NBAS: variants seen among roughly 807,000 people sequenced by gnomAD.
NBAS encodes NAG/BC035112 fusion.
A neutral mutation model predicts 302.5 loss-of-function variants in NBAS; 219 were observed. The observed-to-expected ratio is 0.72, with a 90% CI of 0.65 to 0.81. The LOEUF is 0.81. Ranked by LOEUF, NBAS falls within the 30% of genes least tolerant of loss-of-function variation. The pLI, the probability that NBAS is intolerant of heterozygous loss-of-function variation, is 0.00. For missense variants in NBAS, 2,932 were observed against 2,841.6 expected, an observed-to-expected ratio of 1.03 and a Z score of -0.72; for synonymous variants, 1,118 against 1,021.6, an observed-to-expected ratio of 1.09 and a Z score of -1.80.
At chr2:14,813,176 G>A in the NBAS span, among the ~76,000 whole-genome samples, 1 of 152,112 alleles carries the variant, frequency 6.6e-6, no homozygotes, top group Non-Finnish European at 1.5e-5. Context: ...GACTAATACA[G>A]AAAATTGCTA....
In NBAS at chr2:15,308,339, G is replaced by A. The variant is rs1163588492; in HGVS notation, c.4674C>T (p.Asn1558=). The A allele has an allele frequency of 1.9e-6, 3 of 1,613,960 alleles. No individual in the cohort carries two copies. The highest frequency in any genetic ancestry group is 3.3e-5 in the Admixed American group (2 of 59,998). The change falls in exon 40 of 52, where the codon AAC becomes AAT. Residue 1558 remains asparagine, a synonymous_variant. Transcript: ENST00000281513. Reference sequence around the variant, plus strand: ...AGGGGGACTGCTTTTCAAAGCACCGGTTAGCATCTAACACCTAGGAGGGAA... The same window carrying A: ...AGGGGGACTGCTTTTCAAAGCACCGATTAGCATCTAACACCTAGGAGGGAA... ...LLALPQVLDA[N]RCFEKQSPSA...
the NBAS span, among the ~76,000 whole-genome samples, chr2:15,020,947 C>A: frequency 6.6e-6 from 1 of 152,128 alleles, no homozygotes; most frequent in Non-Finnish European, 1.5e-5. Context: ...AAAAAGCTGA[C>A]CTGGCCAGGC....
At chr2:14,887,111 A>G in the NBAS span, among the ~76,000 whole-genome samples, 1 of 152,130 alleles carries the variant, frequency 6.6e-6, no homozygotes, top group Non-Finnish European at 1.5e-5. Context: ...GCTTTTTTAA[A>G]CGATAGAGGT....
chr2:15,186,864 A>G lies in NBAS; in HGVS notation c.6589T>C (p.Trp2197Arg), dbSNP rs1219648144. 6.2e-6 allele frequency: 10 copies of G among 1,613,814 alleles called. No individual in the cohort carries two copies. The highest frequency in any genetic ancestry group is 1.6e-4 in the Middle Eastern group (1 of 6,084). Residue 2197 changes from tryptophan (W) to arginine (R), a missense_variant, in exon 50 of 52, where the codon TGG (tryptophan) becomes CGG (arginine). Trp to Arg is a moderately radical substitution (Grantham distance 101, BLOSUM62 -3). Coordinates refer to ENST00000281513, the MANE Select transcript of NBAS (RefSeq NM_015909.4). ...AGCATCACTGTAGCTAGTCTCACCCATGGATTATTGGTTATGCTGGTGTTT... is the reference window on the plus strand; with the variant it reads ...AGCATCACTGTAGCTAGTCTCACCCGTGGATTATTGGTTATGCTGGTGTTT... ...KSEYVITNNP[W>R]VRLATVMLTR...
chr2:15,367,566 G>T (rs1010579733), intron 31 of NBAS, among the ~76,000 whole-genome samples: 2 of 152,302 alleles, frequency 1.3e-5, no homozygotes, highest in Non-Finnish European at 1.5e-5. Flanking sequence ...GTGCAGAAAG[G>T]TTAAATACTT....
chr2:15,350,403 C>A (rs1262421161), intron 35 of NBAS, among the ~76,000 whole-genome samples: 6 of 152,144 alleles, frequency 3.9e-5, no homozygotes, highest in African/African-American at 1.2e-4. Context: ...TCATGAAAAA[C>A]CAATCTATAT....
chr2:14,861,812 A>C, the NBAS span, among the ~76,000 whole-genome samples: 2 of 152,240 alleles, frequency 1.3e-5, no homozygotes, highest in African/African-American at 2.4e-5. Context: ...AGAAGGTGAA[A>C]TAGGGTTGTC....
Position 15,356,100 on chromosome 2 carries a change from A to G in NBAS, c.3931+203T>C, listed in dbSNP as rs562429611. ...TAGAAAGCAACCAAAATCTCAAATA[A>G]AATTTAATGTCTGAATCTGTTAAAA... On this transcript the variant is annotated intron_variant, in intron 33 of 51. Coordinates refer to ENST00000281513, the MANE Select transcript of NBAS (RefSeq NM_015909.4). 8.5e-5 allele frequency among the ~76,000 whole-genome samples: 13 copies of G among 152,352 alleles called. No homozygotes were observed. The South Asian group carries it at 2.7e-3, about 32-fold the overall frequency.
chr2:15,478,370 A>G, intron 12 of NBAS, 81 bp from the exon 13 acceptor site: 1 of 990,832 alleles, frequency 1.0e-6, no homozygotes, highest in Admixed American at 1.8e-5. Context: ...GGACTTTTTC[A>G]AATAAAGAGA....
chr2:15,529,179 A>C (rs1256527396), intron 9 of NBAS, among the ~76,000 whole-genome samples: 1 of 152,086 alleles, frequency 6.6e-6, no homozygotes, highest in African/African-American at 2.4e-5. Flanking sequence ...GTGCTGAGGA[A>C]GTGAGGTATT....
the NBAS span, among the ~76,000 whole-genome samples, chr2:15,084,472 A>G: frequency 0.062 from 9,423 of 152,288 alleles, 981 homozygotes; most frequent in African/African-American, 0.22. Flanking sequence ...TTATTCCCAG[A>G]AAAATCAGTG....
chr2:15,452,656 A>C (rs1378758430), intron 21 of NBAS, among the ~76,000 whole-genome samples: 1 of 152,148 alleles, frequency 6.6e-6, no homozygotes, highest in African/African-American at 2.4e-5. Context: ...CTGAGTCAAC[A>C]AGATATAAAG....
chr2:15,508,542 A>G (rs1661979677), intron 10 of NBAS, among the ~76,000 whole-genome samples: 1 of 152,226 alleles, frequency 6.6e-6, no homozygotes, highest in Admixed American at 6.5e-5. Context: ...CAAATTTCAC[A>G]GCTACAGAAA....
At chr2:15,132,813 A>T in the NBAS span, among the ~76,000 whole-genome samples, 6 of 151,952 alleles carry the variant, frequency 3.9e-5, no homozygotes, top group African/African-American at 7.2e-5. Flanking sequence ...TCTTTTTGAT[A>T]ATTTTTTTTT....
the NBAS span, among the ~76,000 whole-genome samples, chr2:15,045,591 C>T: frequency 5.7e-4 from 86 of 152,206 alleles, no homozygotes; most frequent in African/African-American, 1.9e-3. Context: ...ATATACATCA[C>T]ATTTTTTAAT....
At chr2:15,539,497 T>A in intron 6 of NBAS, 141 bp from the exon 7 acceptor site, 2 of 1,036,832 alleles carry the variant, frequency 1.9e-6, no homozygotes. Flanking sequence ...CTTCCCTCAA[T>A]AAAAAAGAGC....
chr2:14,781,842 A>C, the NBAS span, among the ~76,000 whole-genome samples: 8 of 152,274 alleles, frequency 5.3e-5, no homozygotes, highest in Admixed American at 2.0e-4. Flanking sequence ...ACTGATAGTA[A>C]CTGAAAGCTT....
chr2:15,518,512 A>T (rs1470746486), intron 9 of NBAS, among the ~76,000 whole-genome samples: 8 of 152,198 alleles, frequency 5.3e-5, no homozygotes, highest in Admixed American at 5.2e-4. Context: ...TTTTCAAATT[A>T]TCCTATGAAG....
the NBAS span, among the ~76,000 whole-genome samples, chr2:14,921,692 A>G: frequency 6.6e-6 from 1 of 152,278 alleles, no homozygotes; most frequent in Admixed American, 6.5e-5. Flanking sequence ...ACAGGCATGC[A>G]TTGTGAATAA....
Sources: gnomAD v4.1 joint callset for allele counts (sites outside exome capture counted in the v4.1 genomes callset) on GRCh38, gnomAD v4.1.1 for gene constraint, MANE v1.5 for transcripts, NCBI Gene and HGNC (gene_info 2026-07-23, HGNC 2026-07-21) for gene names.